Variants in FAM222B observed in about 807,000 individuals in gnomAD.
The protein encoded by FAM222B is protein FAM222B.
FAM222B carries 12 observed loss-of-function variants against 38.0 expected under a neutral mutation model. That is an observed-to-expected ratio of 0.32 (90% CI 0.20 to 0.51). The LOEUF is 0.51. Among genes scored for constraint, FAM222B ranks in the 20% least tolerant of loss-of-function variants. The pLI, the probability that FAM222B is intolerant of heterozygous loss-of-function variation, is 0.97. For missense variants in FAM222B, 716 were observed against 754.2 expected (o/e 0.95, Z 0.59); for synonymous variants, 329 against 317.2 (o/e 1.04, Z -0.40).
At chr17:28,840,940 GACA>G in intron 1 of FAM222B, among the ~76,000 whole-genome samples, 1 of 150,638 alleles carries the variant, frequency 6.6e-6, no homozygotes, top group South Asian at 2.1e-4. Context: ...CAGCCTGGGT[GACA>G]GAGCAAGACT....
At chr17:28,774,743 C>G (rs1335791355) in intron 1 of FAM222B, among the ~76,000 whole-genome samples, 21 of 152,054 alleles carry the variant, frequency 1.4e-4, no homozygotes, top group Non-Finnish European at 5.9e-5. Context: ...GAATTCATGA[C>G]CAGCCTGGTC....
Position 28,790,888 on chromosome 17 carries a change from T to A in FAM222B, c.-40-24181A>T, listed in dbSNP as rs1227647026. Among the ~76,000 whole-genome samples the A allele has an allele frequency of 8.0e-3, 631 of 78,906 alleles. 133 individuals are homozygous for A. Among genetic ancestry groups the A allele is most frequent in the East Asian group, 0.028 (67 of 2,362 alleles). The allele number at this position is 78,906 out of a possible 152,430, so 51.8% of individuals were successfully genotyped here. On this transcript the variant is annotated intron_variant, in intron 1 of 2. Coordinates refer to ENST00000581407, the MANE Select transcript of FAM222B (RefSeq NM_001077498.3). Reference sequence around the variant, plus strand: ...TATATATTTCAAATTGTTTCACTTTTTTTTTTTTTTTTTTTTTTTTTTTTT... The same window carrying A: ...TATATATTTCAAATTGTTTCACTTTATTTTTTTTTTTTTTTTTTTTTTTTT...
rs755956916 is a variant in FAM222B, at chr17:28,852,105, C to T, written c.-41+2845G>A. On this transcript the variant is annotated intron_variant, in intron 1 of 2. Transcript: ENST00000577513. ...CAACGTGGCCTGGCGCGGTGGCTCA[C>T]GCCTGCAATCCTAGCACTTTGGGAG... 2.0e-4 allele frequency among the ~76,000 whole-genome samples: 31 copies of T among 151,714 alleles called. 1 individual carries two copies. Among genetic ancestry groups the T allele is most frequent in the Middle Eastern group, 3.4e-3 (1 of 294 alleles).
In FAM222B at chr17:28,759,164, C is replaced by G; in HGVS notation, c.795G>C (p.Leu265=). ...ATLQHSQPPD[L]SSIVHQINQF... The stretch of plus-strand genomic sequence containing the variant: ...GGTTGATCTGGTGCACGATGCTACT[C>G]AGGTCCGGAGGCTGGCTGTGCTGCA... Residue 265 remains leucine (L), a synonymous_variant, in exon 3 of 3, where the codon CTG becomes CTC. Coordinates refer to ENST00000581407, the MANE Select transcript of FAM222B (RefSeq NM_001077498.3). The surrounding 1 kb of genome is among the most constrained non-coding windows in gnomAD (Gnocchi z 4.8). 3 of 1,612,876 alleles carry G rather than the reference C, an allele frequency of 1.9e-6. No homozygotes were observed. Among genetic ancestry groups the G allele is most frequent in the Non-Finnish European group, 2.5e-6 (3 of 1,179,442 alleles).
At chr17:28,775,926 A>C (rs2035871962) in intron 1 of FAM222B, among the ~76,000 whole-genome samples, 1 of 151,436 alleles carries the variant, frequency 6.6e-6, no homozygotes. Context: ...AAAAAACAAA[A>C]AGAGCCGGGC....
chr17:28,815,242 C>G (rs933840260), intron 1 of FAM222B, among the ~76,000 whole-genome samples: 3 of 148,792 alleles, frequency 2.0e-5, no homozygotes, highest in Non-Finnish European at 4.4e-5. Flanking sequence ...AAGACAGAGT[C>G]TCGCTCTGTC....
At chr17:28,827,374 A>G (rs1230562413) in intron 1 of FAM222B, among the ~76,000 whole-genome samples, 1 of 152,148 alleles carries the variant, frequency 6.6e-6, no homozygotes, top group Non-Finnish European at 1.5e-5. Context: ...AAAAAAAGAA[A>G]AAGTGAAAAA....
chr17:28,801,252 G>C (rs977619992), intron 1 of FAM222B, among the ~76,000 whole-genome samples: 5 of 149,938 alleles, frequency 3.3e-5, no homozygotes, highest in Middle Eastern at 3.5e-3. Flanking sequence ...AGGAGATCGA[G>C]ACCATCCTGG....
chr17:28,836,123 GGGATTACA>G (rs1189262981), intron 1 of FAM222B, among the ~76,000 whole-genome samples: 1 of 151,600 alleles, frequency 6.6e-6, no homozygotes, highest in Non-Finnish European at 1.5e-5. Context: ...TCAGGTAGCT[GGGATTACA>G]GGCGTCCACC....
chr17:28,778,460 T>A (rs1252279734), intron 1 of FAM222B, among the ~76,000 whole-genome samples: 3 of 151,094 alleles, frequency 2.0e-5, no homozygotes, highest in Non-Finnish European at 4.4e-5. Context: ...TTCTGTGTTT[T>A]AATGTTTTAA....
rs2034735268 is a variant in FAM222B at position 28,757,079 on chromosome 17, T to C, written c.*1191A>G. ...TGAGACGTGCTGAGCATGGAGTGGA[T>C]GAAGGTATGCTCTAAGAATGGACAG... is the stretch of plus-strand genomic sequence containing the variant. On this transcript the variant is annotated 3_prime_UTR_variant, in exon 3 of 3. Transcript: ENST00000581407. The C allele has an allele frequency of 6.6e-6, 1 of 152,638 alleles. No homozygotes were observed. Among genetic ancestry groups the C allele is most frequent in the Non-Finnish European group, 1.5e-5 (1 of 68,050 alleles). 9.5% of individuals were successfully genotyped at this position (152,638 alleles called of 1,614,324 possible).
chr17:28,772,447 G>C (rs770617327), intron 1 of FAM222B, among the ~76,000 whole-genome samples: 15 of 151,720 alleles, frequency 9.9e-5, no homozygotes, highest in Non-Finnish European at 2.1e-4. Flanking sequence ...GAGAGAGGCC[G>C]GTCGCGGTGG....
Position 28,809,156 on chromosome 17 carries a change from C to T in FAM222B, c.-41+33526G>A, listed in dbSNP as rs531751704. Among the ~76,000 whole-genome samples, 4 of 152,110 alleles carry T rather than the reference C, an allele frequency of 2.6e-5. No individual in the cohort carries two copies. In the South Asian group the frequency reaches 8.3e-4, roughly 32 times the overall value. ...ACCATCTGAGGTCAGTTTGAGACCA[C>T]CCTGGCCAACATGGTGAAACCCTGT... On this transcript the variant is annotated intron_variant, in intron 1 of 2. Transcript: ENST00000581407.
At chr17:28,787,274 G>C (rs1444651807) in intron 1 of FAM222B, among the ~76,000 whole-genome samples, 1 of 152,050 alleles carries the variant, frequency 6.6e-6, no homozygotes, top group African/African-American at 2.4e-5. Context: ...TCCCAATCTT[G>C]CCAAGGCAGA....
At chr17:28,852,233 G>T (rs1433436454) in intron 1 of FAM222B, among the ~76,000 whole-genome samples, 1 of 151,888 alleles carries the variant, frequency 6.6e-6, no homozygotes, top group Non-Finnish European at 1.5e-5. Context: ...CGGGCATGGT[G>T]GTGGGCGCCT....
At chr17:28,791,177 G>A (rs1197984509) in intron 1 of FAM222B, among the ~76,000 whole-genome samples, 1 of 151,770 alleles carries the variant, frequency 6.6e-6, no homozygotes, top group African/African-American at 2.4e-5. Flanking sequence ...CCCAAAAGCT[G>A]GGATTACAGG....
intron 1 of FAM222B, among the ~76,000 whole-genome samples, chr17:28,803,502 G>A (rs12948575): frequency 0.19 from 28,641 of 151,666 alleles, 2,855 homozygotes; most frequent in South Asian, 0.3. Context: ...TCACCATCTT[G>A]CTTGGGCGGG....
intron 1 of FAM222B, among the ~76,000 whole-genome samples, chr17:28,777,996 C>T (rs1290484258): frequency 2.0e-5 from 3 of 148,172 alleles, no homozygotes; most frequent in Admixed American, 1.4e-4. Flanking sequence ...CATCATGTTG[C>T]CCAGGCTGGA....
intron 1 of FAM222B, among the ~76,000 whole-genome samples, chr17:28,800,046 T>G (rs1436444935): frequency 6.6e-6 from 1 of 152,136 alleles, no homozygotes; most frequent in Non-Finnish European, 1.5e-5. Flanking sequence ...TTTTTTTTTT[T>G]TTGAGACGGA....
Sources: allele counts gnomAD v4.1 joint callset (sites outside exome capture counted in the v4.1 genomes callset), GRCh38; gene constraint gnomAD v4.1.1; non-coding constraint Gnocchi (gnomAD v3.1); transcripts MANE v1.5; gene names NCBI Gene and HGNC (gene_info 2026-07-23, HGNC 2026-07-21).